Variants in IP6K1 observed in about 807,000 individuals in gnomAD.
IP6K1 encodes inositol hexakisphosphate kinase 1, also known as ATP:1D-myo-inositol-hexakisphosphate phosphotransferase.
Under a neutral mutation model 38.3 loss-of-function variants are expected in IP6K1, and 13 were observed. The ratio of observed to expected loss-of-function variants is 0.34; its 90% confidence interval spans 0.22 to 0.54. IP6K1 has a LOEUF of 0.54. Among genes scored for constraint, IP6K1 ranks in the 20% least tolerant of loss-of-function variants. The pLI is 0.92. For synonymous variants in IP6K1, 212 were observed against 229.9 expected, an observed-to-expected ratio of 0.92 and a Z score of 0.70; for missense variants, 397 against 599.8, an observed-to-expected ratio of 0.66 and a Z score of 3.53.
intron 1 of IP6K1, among the ~76,000 whole-genome samples, chr3:49,784,362 C>T (rs1054074100): frequency 5.9e-5 from 9 of 152,122 alleles, no homozygotes; most frequent in Non-Finnish European, 1.0e-4. Flanking sequence ...AGGCTAGGCG[C>T]GTGACCAGGC....
At chr3:49,763,583 G>C (rs2080884734) in intron 1 of IP6K1, among the ~76,000 whole-genome samples, 1 of 152,046 alleles carries the variant, frequency 6.6e-6, no homozygotes, top group Non-Finnish European at 1.5e-5. Flanking sequence ...GAAATGCAAG[G>C]TTGATTAAAC....
intron 2 of IP6K1, among the ~76,000 whole-genome samples, chr3:49,743,179 C>T (rs971263471): frequency 1.3e-5 from 2 of 151,364 alleles, no homozygotes; most frequent in African/African-American, 4.9e-5. Context: ...AAGTTCATAC[C>T]ACTGCACTCT....
chr3:49,774,060 T>A (rs1436787928), intron 1 of IP6K1, among the ~76,000 whole-genome samples: 1 of 151,740 alleles, frequency 6.6e-6, no homozygotes, highest in African/African-American at 2.4e-5. Flanking sequence ...CAAACCAATT[T>A]TTTGTCCGAA....
At chr3:49,728,568 T>C (rs994770532) in intron 4 of IP6K1, among the ~76,000 whole-genome samples, 3 of 152,176 alleles carry the variant, frequency 2.0e-5, no homozygotes, top group Non-Finnish European at 4.4e-5. Flanking sequence ...CACAACCATC[T>C]ATCTCTAGAA....
intron 2 of IP6K1, among the ~76,000 whole-genome samples, chr3:49,744,639 C>T (rs753122688): frequency 7.9e-5 from 12 of 151,970 alleles, no homozygotes; most frequent in Non-Finnish European, 1.5e-4. Context: ...TTTTCCTGCC[C>T]GAACTCAGGA....
intron 4 of IP6K1, among the ~76,000 whole-genome samples, chr3:49,729,521 C>T (rs1394593972): frequency 6.6e-6 from 1 of 151,374 alleles, no homozygotes; most frequent in Non-Finnish European, 1.5e-5. Flanking sequence ...GATTCTCCTG[C>T]CTCAGCCTCC....
At chr3:49,778,023 T>C (rs2108263735) in intron 1 of IP6K1, among the ~76,000 whole-genome samples, 1 of 152,036 alleles carries the variant, frequency 6.6e-6, no homozygotes, top group South Asian at 2.1e-4. Flanking sequence ...ATGACTTTTT[T>C]TTTTTAAGAC....
chr3:49,735,441 C>T (rs576977790), intron 3 of IP6K1, among the ~76,000 whole-genome samples: 3 of 152,324 alleles, frequency 2.0e-5, no homozygotes, highest in Admixed American at 1.3e-4. Flanking sequence ...ACTTGGGGAA[C>T]ATTCTTTGTC....
At chr3:49,769,189 T>TC (rs1453046845) in intron 1 of IP6K1, among the ~76,000 whole-genome samples, 4 of 152,124 alleles carry the variant, frequency 2.6e-5, no homozygotes, top group South Asian at 4.1e-4. Context: ...ATGTCAATTC[T>TC]CCCCAAATGA....
chr3:49,772,688 C>T (rs539700449), intron 1 of IP6K1, among the ~76,000 whole-genome samples: 1 of 152,078 alleles, frequency 6.6e-6, no homozygotes, highest in East Asian at 1.9e-4. Flanking sequence ...CAGGCATGAG[C>T]CACCACACCC....
At chr3:49,774,407 C>CAAAAA (rs777187857) in intron 1 of IP6K1, among the ~76,000 whole-genome samples, 49 of 44,200 alleles carry the variant, frequency 1.1e-3, no homozygotes, top group East Asian at 2.3e-3. Context: ...GACTCCATCT[C>CAAAAA]AAAAAAAAAA....
rs1370315574 is a variant in IP6K1, at chr3:49,738,309, G to T, written c.337C>A (p.Pro113Thr). The T allele has an allele frequency of 6.2e-7, 1 of 1,614,220 alleles. No homozygotes were observed. Residue 113 changes from proline (P) to threonine (T), a missense_variant, in exon 3 of 6, where the codon CCT becomes ACT. Transcript: ENST00000321599. ...EQDDTTEREQ[P>T]RRKHSRRSLH... ...CTCCGGCGGGAGTGTTTGCGCCGAG[G>T]TTGCTCCCGTTCTGTTGTGTCATCC...
intron 1 of IP6K1, among the ~76,000 whole-genome samples, chr3:49,774,712 G>C (rs2080991413): frequency 6.6e-6 from 1 of 152,152 alleles, no homozygotes. Context: ...TTAAAGTCTA[G>C]AACACTTAGC....
intron 3 of IP6K1, among the ~76,000 whole-genome samples, chr3:49,734,181 G>A (rs1394124654): frequency 6.6e-6 from 1 of 151,976 alleles, no homozygotes; most frequent in Non-Finnish European, 1.5e-5. Context: ...CCACAAAGGA[G>A]TTTTTGTGAG....
intron 1 of IP6K1, among the ~76,000 whole-genome samples, chr3:49,776,745 T>C (rs1462585208): frequency 3.3e-5 from 5 of 152,274 alleles, no homozygotes; most frequent in African/African-American, 1.2e-4. Context: ...TTTTAGCAGG[T>C]CTGCAAACTT....
chr3:49,728,355 T>TA, intron 4 of IP6K1, 77 bp from the exon 5 acceptor site: 1 of 1,449,682 alleles, frequency 6.9e-7, no homozygotes, highest in Non-Finnish European at 9.6e-7. Context: ...AGTTTTTCTA[T>TA]AAAAGGGGGC....
intron 1 of IP6K1, among the ~76,000 whole-genome samples, chr3:49,781,180 A>G (rs1380715106): frequency 1.3e-5 from 2 of 151,676 alleles, no homozygotes; most frequent in East Asian, 1.9e-4. Context: ...TACTGCTTCA[A>G]TCTTCCAAGT....
intron 1 of IP6K1, among the ~76,000 whole-genome samples, chr3:49,777,195 C>T (rs1408773989): frequency 6.6e-6 from 1 of 151,730 alleles, no homozygotes; most frequent in African/African-American, 2.4e-5. Flanking sequence ...AAGATGGCAC[C>T]ACTGCACCCC....
At chr3:49,732,086 C>T (rs904724767) in intron 4 of IP6K1, among the ~76,000 whole-genome samples, 25 of 151,992 alleles carry the variant, frequency 1.6e-4, no homozygotes, top group African/African-American at 6.0e-4. Context: ...CACACCACCA[C>T]ATCCAACTAA....
Sources: allele counts gnomAD v4.1 joint callset (sites outside exome capture counted in the v4.1 genomes callset), GRCh38; gene constraint gnomAD v4.1.1; transcripts MANE v1.5; gene names NCBI Gene and HGNC (gene_info 2026-07-23, HGNC 2026-07-21).